Variants in MED12L observed in about 807,000 individuals in gnomAD.
The protein encoded by MED12L is mediator complex subunit 12L, also known as mediator of RNA polymerase II transcription subunit 12-like protein.
A neutral mutation model predicts 281.3 loss-of-function variants in MED12L; 60 were observed. The observed-to-expected ratio is 0.21, with a 90% CI of 0.17 to 0.26. The LOEUF is 0.26. MED12L is among the 10% of genes least tolerant of loss of function. The pLI, the probability that MED12L is intolerant of heterozygous loss-of-function variation, is 1.00. For synonymous variants in MED12L, 974 were observed against 987.2 expected, an observed-to-expected ratio of 0.99 and a Z score of 0.25; for missense variants, 2,146 against 2,680.9, an observed-to-expected ratio of 0.80 and a Z score of 4.41.
intron 13 of MED12L, 27 bp downstream of exon 13, chr3:151,188,507 A>C (rs1185924167): frequency 1.3e-6 from 2 of 1,564,464 alleles, no homozygotes. Flanking sequence ...CTTTGCCTCT[A>C]GATCTTAAAT....
chr3:151,355,743 A>G (rs1753838315), intron 18 of MED12L, among the ~76,000 whole-genome samples, 153 bp from the exon 19 acceptor site: 2 of 152,226 alleles, frequency 1.3e-5, no homozygotes, highest in Admixed American at 6.5e-5. Context: ...TTCTTTGTAC[A>G]TAGTTTTATA....
intron 3 of MED12L, 130 bp downstream of exon 3, chr3:151,116,572 T>G (rs2148737813): frequency 1.6e-6 from 1 of 613,028 alleles, no homozygotes; most frequent in East Asian, 2.8e-5. Flanking sequence ...AAATACCATG[T>G]ATACCGTCCT....
chr3:151,280,829 C>A (rs1379631754), intron 16 of MED12L, among the ~76,000 whole-genome samples: 1 of 151,520 alleles, frequency 6.6e-6, no homozygotes, highest in Non-Finnish European at 1.5e-5. Context: ...AGCCAAAACA[C>A]CTGGCAACCC....
At chr3:151,354,098 G>T (rs1467739773) in intron 17 of MED12L, among the ~76,000 whole-genome samples, 1 of 119,420 alleles carries the variant, frequency 8.4e-6, no homozygotes, top group Non-Finnish European at 1.6e-5. Flanking sequence ...CCGAGATCCC[G>T]CCACTGCACT....
chr3:151,371,316 G>A (rs530779326), intron 26 of MED12L, among the ~76,000 whole-genome samples: 2 of 152,224 alleles, frequency 1.3e-5, no homozygotes, highest in South Asian at 4.1e-4. Context: ...AGGTATAGAG[G>A]TAGTTGTTTA....
At position 151,388,184 on chromosome 3, in the gene MED12L, A is replaced by G. The variant is rs777202005; in HGVS notation, c.5451+12A>G. The stretch of plus-strand genomic sequence containing the variant: ...GCTCAAGAGTTGATGTAAGTGGGGA[A>G]AGGAAGGAGAACCTTGGCTCATTAG... On this transcript the variant is annotated intron_variant, in intron 37 of 44. Transcript: ENST00000687756. The G allele has an allele frequency of 6.3e-7, 1 of 1,581,468 alleles. No homozygotes were observed. The highest frequency in any genetic ancestry group is 1.7e-5 in the Admixed American group (1 of 57,516).
chr3:151,230,608 A>G (rs1176614938), intron 16 of MED12L, among the ~76,000 whole-genome samples: 1 of 147,308 alleles, frequency 6.8e-6, no homozygotes, highest in Non-Finnish European at 1.5e-5. Flanking sequence ...ACTTCCTTCT[A>G]ATGTTTCTTT....
At chr3:151,326,474 T>C (rs2149849962) in intron 16 of MED12L, 1 of 152,464 alleles carries the variant, frequency 6.6e-6, no homozygotes, top group South Asian at 2.1e-4. Context: ...GAGGGGGTGA[T>C]TGGGTTTGAG....
At chr3:151,306,057 G>A (rs1003908990) in intron 16 of MED12L, among the ~76,000 whole-genome samples, 1 of 152,080 alleles carries the variant, frequency 6.6e-6, no homozygotes, top group Admixed American at 6.6e-5. Flanking sequence ...ATTACCTGCC[G>A]GGTCCTACAG....
At chr3:151,334,866 C>T (rs1427760134) in intron 16 of MED12L, among the ~76,000 whole-genome samples, 2 of 152,182 alleles carry the variant, frequency 1.3e-5, no homozygotes, top group Non-Finnish European at 2.9e-5. Flanking sequence ...ATGCAGTCTA[C>T]ATCACAGCAA....
chr3:151,167,321 A>T (rs1720848132), intron 11 of MED12L, among the ~76,000 whole-genome samples: 1 of 152,210 alleles, frequency 6.6e-6, no homozygotes. Context: ...AAAACTGCCG[A>T]TGATAATATC....
chr3:151,158,694 A>G lies in MED12L; in HGVS notation c.732A>G (p.Gly244=). 6.2e-7 allele frequency: 1 copy of G among 1,601,798 alleles called. No homozygotes were observed. Among genetic ancestry groups the G allele is most frequent in the Non-Finnish European group, 8.5e-7 (1 of 1,171,160 alleles). The change falls in exon 7 of 45, where the codon GGA becomes GGG. Residue 244 remains glycine, a synonymous_variant. Coordinates refer to ENST00000687756, the MANE Select transcript of MED12L (RefSeq NM_001393769.1). ...TTTTTCTTTGTTCATTTAAGGAAGG[A>G]ATGTTAGAAAAACACGAATATTTGA... ...EKLAFHMFQE[G]MLEKHEYLTW...
chr3:151,319,338 C>T (rs1341867144), intron 16 of MED12L, among the ~76,000 whole-genome samples: 1 of 151,964 alleles, frequency 6.6e-6, no homozygotes, highest in African/African-American at 2.4e-5. Flanking sequence ...ATCTTCATAG[C>T]GATAATTTCC....
intron 21 of MED12L, among the ~76,000 whole-genome samples, chr3:151,361,293 GT>G (rs1007870989): frequency 4.1e-4 from 63 of 152,048 alleles, no homozygotes; most frequent in African/African-American, 1.5e-3. Flanking sequence ...GTGTTAATGA[GT>G]TTTTTTAAAA....
intron 30 of MED12L, 34 bp downstream of exon 30, chr3:151,377,212 G>T (rs1318850728): frequency 6.4e-7 from 1 of 1,560,912 alleles, no homozygotes; most frequent in South Asian, 1.2e-5. Context: ...GAACTGTCAT[G>T]AATTTTTCAC....
intron 16 of MED12L, among the ~76,000 whole-genome samples, chr3:151,251,667 C>T (rs978791248): frequency 6.6e-6 from 1 of 152,176 alleles, no homozygotes; most frequent in Non-Finnish European, 1.5e-5. Flanking sequence ...CAGCAACACT[C>T]AATTGTTTGA....
chr3:151,385,610 G>T (rs1193703412), intron 36 of MED12L, among the ~76,000 whole-genome samples: 2 of 152,062 alleles, frequency 1.3e-5, no homozygotes, highest in Non-Finnish European at 2.9e-5. Context: ...GCTGAGGCAG[G>T]AGGATTGCTT....
intron 16 of MED12L, among the ~76,000 whole-genome samples, chr3:151,245,646 A>G (rs1395215634): frequency 2.1e-5 from 3 of 144,776 alleles, no homozygotes; most frequent in Non-Finnish European, 3.0e-5. Context: ...ATCTATGACA[A>G]ACCCACAGCC....
intron 16 of MED12L, among the ~76,000 whole-genome samples, chr3:151,238,157 T>TTTTCTG (rs1299448327): frequency 4.0e-5 from 6 of 150,062 alleles, no homozygotes; most frequent in African/African-American, 1.5e-4. Context: ...TTCTTTTTCT[T>TTTTCTG]TTTTCTTGAG....
Sources: allele counts gnomAD v4.1 joint callset (sites outside exome capture counted in the v4.1 genomes callset), GRCh38; gene constraint gnomAD v4.1.1; transcripts MANE v1.5; gene names NCBI Gene and HGNC (gene_info 2026-07-23, HGNC 2026-07-21).